Variants in OR2L13 observed in about 807,000 individuals in gnomAD.
OR2L13 encodes olfactory receptor family 2 subfamily L member 13.
Under a neutral mutation model 15.3 loss-of-function variants are expected in OR2L13, and 14 were observed. That is an observed-to-expected ratio of 0.91 (90% CI 0.60 to 1.43). The LOEUF is 1.43. Among genes scored for constraint, OR2L13 ranks in the 40% most tolerant of loss-of-function variants. The probability of loss-of-function intolerance (pLI) is 0.00; values close to 1 mark genes in which losing one functional copy is unlikely to be tolerated. For missense variants in OR2L13, 367 were observed against 387.9 expected, an observed-to-expected ratio of 0.95 and a Z score of 0.45; for synonymous variants, 152 against 142.9, an observed-to-expected ratio of 1.06 and a Z score of -0.45.
chr1:248,092,774 C>T (rs145908346), upstream of OR2L13, among the ~76,000 whole-genome samples: 174 of 152,106 alleles, frequency 1.1e-3, 1 homozygote, highest in African/African-American at 4.0e-3. Context: ...TTTAATTGAT[C>T]GCACCTACTG....
chr1:247,938,602 G>A, the OR2L13 span, among the ~76,000 whole-genome samples: 1 of 152,034 alleles, frequency 6.6e-6, no homozygotes, highest in Non-Finnish European at 1.5e-5. Flanking sequence ...ACATAGAAAC[G>A]CCTACATTGA....
chr1:247,971,470 A>C, the OR2L13 span, among the ~76,000 whole-genome samples: 2 of 152,194 alleles, frequency 1.3e-5, no homozygotes, highest in African/African-American at 4.8e-5. Context: ...TATTCCCATA[A>C]ACATTGACAT....
At chr1:247,939,648 C>G in the OR2L13 span, 1 of 152,154 alleles carries the variant, frequency 6.6e-6, no homozygotes, top group East Asian at 1.9e-4. Flanking sequence ...CTTGTGTATT[C>G]CCTCTATTTC....
At chr1:248,060,573 C>A in the OR2L13 span, 1 of 836,732 alleles carries the variant, frequency 1.2e-6, no homozygotes, top group Non-Finnish European at 2.0e-6. Context: ...CAACTCCAGT[C>A]TCAAGAATTT....
chr1:248,018,168 A>AC, the OR2L13 span, among the ~76,000 whole-genome samples: 1 of 140,464 alleles, frequency 7.1e-6, no homozygotes, highest in African/African-American at 3.3e-5. Context: ...AATAAAAAAA[A>AC]AAATTCGTTA....
chr1:248,013,301 A>AT, the OR2L13 span, among the ~76,000 whole-genome samples: 2 of 152,294 alleles, frequency 1.3e-5, no homozygotes, highest in Admixed American at 1.3e-4. Flanking sequence ...TTCATAAAGT[A>AT]TTAGAGACAC....
the OR2L13 span, among the ~76,000 whole-genome samples, chr1:248,059,715 C>T: frequency 6.6e-6 from 1 of 152,070 alleles, no homozygotes; most frequent in Non-Finnish European, 1.5e-5. Flanking sequence ...CTCAAAATAG[C>T]AGAGAGGCTG....
the OR2L13 span, chr1:248,003,215 C>T: frequency 1.1e-5 from 16 of 1,521,236 alleles, no homozygotes; most frequent in Admixed American, 2.7e-4. Flanking sequence ...CCTCTTCATC[C>T]TCATTGTTTT....
the OR2L13 span, among the ~76,000 whole-genome samples, chr1:247,993,807 GAGAGAAAGAA>G: frequency 2.1e-4 from 27 of 129,064 alleles, no homozygotes; most frequent in East Asian, 8.9e-4. Context: ...GAGAGAGAGA[GAGAGAAAGAA>G]AGAGAAAGAA....
At chr1:248,045,099 A>C in the OR2L13 span, among the ~76,000 whole-genome samples, 123 of 152,278 alleles carry the variant, frequency 8.1e-4, no homozygotes, top group African/African-American at 2.9e-3. Context: ...TTATCATCTG[A>C]ATCTTGTATC....
chr1:247,953,403 A>G, the OR2L13 span, among the ~76,000 whole-genome samples: 1 of 151,886 alleles, frequency 6.6e-6, no homozygotes, highest in Non-Finnish European at 1.5e-5. Context: ...CATAACATAG[A>G]CTCTGTGCAT....
At chr1:247,977,397 A>G in the OR2L13 span, among the ~76,000 whole-genome samples, 3 of 152,178 alleles carry the variant, frequency 2.0e-5, no homozygotes, top group East Asian at 1.9e-4. Context: ...ATATTTTACT[A>G]CATATATATC....
chr1:247,952,337 T>A, the OR2L13 span, among the ~76,000 whole-genome samples: 1 of 152,050 alleles, frequency 6.6e-6, no homozygotes, highest in Non-Finnish European at 1.5e-5. Context: ...CCTCTGAAAA[T>A]CTATATGTTT....
At chr1:248,002,841 C>G in the OR2L13 span, among the ~76,000 whole-genome samples, 1 of 146,700 alleles carries the variant, frequency 6.8e-6, no homozygotes, top group Non-Finnish European at 1.5e-5. Flanking sequence ...CTGGGCGAAG[C>G]GAGACTCCAG....
At chr1:248,039,089 T>C in the OR2L13 span, 1 of 1,614,120 alleles carries the variant, frequency 6.2e-7, no homozygotes, top group Non-Finnish European at 8.5e-7. Flanking sequence ...AGATTCTGGC[T>C]GTTTTCTACA....
chr1:247,980,006 C>T, the OR2L13 span, among the ~76,000 whole-genome samples: 36 of 152,110 alleles, frequency 2.4e-4, 1 homozygote, highest in Admixed American at 2.4e-3. Context: ...AACAGTGTAT[C>T]AACTAAATAA....
chr1:248,097,371 C>T (rs894541882), intron 1 of OR2L13: 1 of 152,216 alleles, frequency 6.6e-6, no homozygotes, highest in Non-Finnish European at 1.5e-5. Flanking sequence ...CAGAATGATG[C>T]TTCATGTAAT....
rs559182449 is a variant in OR2L13 at position 248,100,148 on chromosome 1, A to G, written c.773A>G (p.Tyr258Cys). 262 of 1,614,094 alleles carry G rather than the reference A, an allele frequency of 1.6e-4. 1 individual carries two copies. The South Asian group carries it at 2.4e-3, about 15-fold the overall frequency. ...TACTATGCACCTTTTGTCTACACCT[A>G]TCTTCGGCCCAGGAATCTCCGCTCA... The change falls in exon 3 of 3, where the codon TAT (tyrosine) becomes TGT (cysteine). Residue 258 changes from tyrosine to cysteine, a missense_variant. By Grantham distance (194) the Tyr-to-Cys change is radical. Transcript: ENST00000641714.
chr1:248,002,012 ATAAAT>A, the OR2L13 span, among the ~76,000 whole-genome samples: 1 of 152,212 alleles, frequency 6.6e-6, no homozygotes, highest in East Asian at 1.9e-4. Context: ...AACCAATAAT[ATAAAT>A]TATATTGTAT....
Sources: allele counts gnomAD v4.1 joint callset (sites outside exome capture counted in the v4.1 genomes callset), GRCh38; gene constraint gnomAD v4.1.1; transcripts MANE v1.5; gene names NCBI Gene and HGNC (gene_info 2026-07-23, HGNC 2026-07-21).